The following CHD5 variants were observed in gnomAD, a reference collection of about 807,000 sequenced individuals.
CHD5 encodes the protein ATP-dependent chromatin remodeler CHD5.
In CHD5, 69 loss-of-function variants were observed where a neutral mutation model predicts 230.3. That is an observed-to-expected ratio of 0.30 (90% CI 0.25 to 0.37). The LOEUF is 0.37. Ranked by LOEUF, CHD5 falls within the 10% of genes least tolerant of loss-of-function variation. The pLI is 1.00. For synonymous variants in CHD5, 1,064 were observed against 1,065.9 expected (o/e 1.00, Z 0.03); for missense variants, 1,827 against 2,622.8 (o/e 0.70, Z 6.63).
intron 40 of CHD5, 35 bp from the exon 41 acceptor site, chr1:6,106,322 CGTT>C (rs1557533145): frequency 6.2e-7 from 1 of 1,612,690 alleles, no homozygotes; most frequent in East Asian, 2.2e-5. Flanking sequence ...GCTTGCCTGA[CGTT>C]GGCAGCAGCA....
chr1:6,123,482 AGTGGT>A (rs928800388), intron 31 of CHD5, among the ~76,000 whole-genome samples: 12 of 151,320 alleles, frequency 7.9e-5, no homozygotes, highest in African/African-American at 2.9e-4. Flanking sequence ...GCTGGAGTGC[AGTGGT>A]GTGATCTTGG....
intron 1 of CHD5, among the ~76,000 whole-genome samples, chr1:6,174,394 GATGGATGGTGGATAGGTGGATGGATGA>G (rs1411065433): frequency 5.9e-5 from 9 of 152,246 alleles, no homozygotes; most frequent in African/African-American, 2.2e-4. Flanking sequence ...ATAGTGAATG[GATGGATGGTGGATAGGTGGATGGATGA>G]ATGCATGGTG....
chr1:6,118,994 G>A (rs928688046), intron 33 of CHD5, among the ~76,000 whole-genome samples: 25 of 150,782 alleles, frequency 1.7e-4, no homozygotes, highest in African/African-American at 5.6e-4. Context: ...TACCATGCCC[G>A]ACCTGAATGG....
At position 6,134,462 on chromosome 1, in the gene CHD5, C is replaced by T. The variant is rs181242417; in HGVS notation, c.3013-203G>A. Among the ~76,000 whole-genome samples, 236 of 152,344 alleles carry T rather than the reference C, an allele frequency of 1.5e-3. No individual in the cohort carries two copies. The highest frequency in any genetic ancestry group is 3.4e-3 in the Middle Eastern group (1 of 294). Reference sequence around the variant, plus strand: ...GGTCCCACGGCCCTGGCTCCAGGCCCCCCGTTCCCAGGCAGGGCTCACAGC... The same window carrying T: ...GGTCCCACGGCCCTGGCTCCAGGCCTCCCGTTCCCAGGCAGGGCTCACAGC... On this transcript the variant is annotated intron_variant, in intron 19 of 41. Coordinates refer to ENST00000262450, the MANE Select transcript of CHD5 (RefSeq NM_015557.3). This position sits in a 1 kb window ranked among gnomAD's most constrained non-coding sequence, Gnocchi z 6.3.
intron 1 of CHD5, among the ~76,000 whole-genome samples, chr1:6,173,979 G>A (rs1557565622): frequency 6.6e-6 from 1 of 152,206 alleles, no homozygotes; most frequent in South Asian, 2.1e-4. Context: ...CCTGAGTGGG[G>A]AGTGGAGGGA....
chr1:6,124,662 C>A lies in CHD5; in HGVS notation c.4395-1G>T. ...CCGCATGAAGAGGGACACATAGGCT[C>A]TGGGGTGGGGGGGGGGGACTGGGGC... On this transcript the variant is annotated splice_acceptor_variant, in intron 29 of 41. Transcript: ENST00000262450. LOFTEE classifies it high-confidence loss of function. The A allele has an allele frequency of 9.0e-6, 1 of 111,434 alleles. No homozygotes were observed. Among genetic ancestry groups the A allele is most frequent in the South Asian group, 1.2e-4 (1 of 8,396 alleles). The allele number at this position is 111,434 out of a possible 1,614,324, so 6.9% of individuals were successfully genotyped here. A position where few individuals can be genotyped will look rare whatever the true frequency, so the allele number is the denominator to read the frequency against.
Position 6,179,983 on chromosome 1 carries a change from A to G in CHD5, c.41T>C (p.Leu14Pro), listed in dbSNP as rs987514659. The change falls in exon 1 of 42, where the codon CTG (leucine) becomes CCG (proline). Residue 14 changes from leucine to proline, a missense_variant. Coordinates refer to ENST00000262450, the MANE Select transcript of CHD5 (RefSeq NM_015557.3). ...PVGTEEELPR[L>P]FAEEMENEDE... is the part of the protein sequence containing the mutation. Reference sequence around the variant, plus strand: ...CTCATTCTCCATCTCCTCGGCGAACAGCCGCGGCAGCTCCTCCTCGGTGCC... The same window carrying G: ...CTCATTCTCCATCTCCTCGGCGAACGGCCGCGGCAGCTCCTCCTCGGTGCC... The G allele has an allele frequency of 2.2e-6, 3 of 1,378,422 alleles. No homozygotes were observed. In the Admixed American group the frequency reaches 7.4e-5, roughly 34 times the overall value. 85.4% of individuals were successfully genotyped at this position (1,378,422 alleles called of 1,614,324 possible). A position where few individuals can be genotyped will look rare whatever the true frequency, so the allele number is the denominator to read the frequency against.
rs1186608392 is a variant in CHD5, at chr1:6,154,802, G to T, written c.603C>A (p.Phe201Leu). 1 of 1,613,862 alleles carries T rather than the reference G, an allele frequency of 6.2e-7. No individual in the cohort carries two copies. The highest frequency in any genetic ancestry group is 1.7e-5 in the Admixed American group (1 of 60,020). The change falls in exon 5 of 42, where the codon TTC becomes TTA. Residue 201 changes from phenylalanine (F) to leucine (L), a missense_variant. Physicochemically the swap from Phe to Leu is conservative, Grantham distance 22. Around this residue, in one of 14 missense-constraint regions of CHD5, gnomAD observed 657 missense variants for 816.4 expected, o/e 0.80. Coordinates refer to ENST00000262450, the MANE Select transcript of CHD5 (RefSeq NM_015557.3). The surrounding 1 kb of genome is among the most constrained non-coding windows in gnomAD (Gnocchi z 7.0). Reference sequence around the variant, plus strand: ...CCGCTGCTGCCGCGGAGCTGCCCTTGAAGGGGTTGTTGGCGCTGAACTCCC... The same window carrying T: ...CCGCTGCTGCCGCGGAGCTGCCCTTTAAGGGGTTGTTGGCGCTGAACTCCC... ...KWREFSANNPFKGSSAAAAAA... is the reference protein window; with the variant it reads ...KWREFSANNPLKGSSAAAAAA...
At position 6,146,921 on chromosome 1, in the gene CHD5, C is replaced by T; in HGVS notation, c.1384-50G>A. 1.5e-6 allele frequency: 2 copies of T among 1,367,616 alleles called. No homozygotes were observed. Among genetic ancestry groups the T allele is most frequent in the African/African-American group, 1.5e-5 (1 of 68,262 alleles). 84.7% of individuals were successfully genotyped at this position (1,367,616 alleles called of 1,614,324 possible). A position where few individuals can be genotyped will look rare whatever the true frequency, so the allele number is the denominator to read the frequency against. ...GGTGGGGCTCAGCTGCAGGGCCCCACCCTGAGGCTCCCATGACAGCAGGCT... is the reference window on the plus strand; with the variant it reads ...GGTGGGGCTCAGCTGCAGGGCCCCATCCTGAGGCTCCCATGACAGCAGGCT... On this transcript the variant is annotated intron_variant, in intron 9 of 41. Coordinates refer to ENST00000262450, the MANE Select transcript of CHD5 (RefSeq NM_015557.3). The surrounding 1 kb of genome is among the most constrained non-coding windows in gnomAD (Gnocchi z 5.1).
At chr1:6,113,451 T>C (rs1259828639) in intron 33 of CHD5, 4 of 271,754 alleles carry the variant, frequency 1.5e-5, no homozygotes, top group African/African-American at 9.1e-5. Context: ...AGAAGATGAG[T>C]TCCCAAGAAG....
At chr1:6,174,513 G>GTGGATGGA (rs113035924) in intron 1 of CHD5, among the ~76,000 whole-genome samples, 3 of 148,788 alleles carry the variant, frequency 2.0e-5, no homozygotes, top group African/African-American at 7.6e-5. Context: ...TGGATGGTGG[G>GTGGATGGA]TGGATGGATG....
Position 6,112,226 on chromosome 1 carries a change from T to C in CHD5, c.5054A>G (p.Asp1685Gly). The part of the protein sequence containing the change: ...KEPIETQQNG[D>G]KEEDDEGKKE... ...CTTCCCCTCGTCATCTTCCTCTTTG[T>C]CACCATTTTGCTGTGTTTCAATGGG... The change falls in exon 35 of 42, where the codon GAC (aspartate) becomes GGC (glycine). Residue 1685 changes from aspartate (D) to glycine (G), a missense_variant. By Grantham distance (94) the Asp-to-Gly change is moderately conservative. Around this residue, in one of 14 missense-constraint regions of CHD5, gnomAD observed 272 missense variants for 263.2 expected, o/e 1.03. Transcript: ENST00000262450. 1 of 1,614,166 alleles carries C rather than the reference T, an allele frequency of 6.2e-7. No individual in the cohort carries two copies. Among genetic ancestry groups the C allele is most frequent in the East Asian group, 2.2e-5 (1 of 44,882 alleles).
Position 6,142,052 on chromosome 1 carries a change from G to T in CHD5, c.2436+76C>A, listed in dbSNP as rs1022099734. On this transcript the variant is annotated intron_variant, in intron 15 of 41. Coordinates refer to ENST00000262450, the MANE Select transcript of CHD5 (RefSeq NM_015557.3). The surrounding 1 kb of genome is among the most constrained non-coding windows in gnomAD (Gnocchi z 5.2). ...CCTCCCAGGCTGAGGGACCCCAAAG[G>T]AGTGCACGGCACCCGTGGTCCCTGA... 3 of 1,340,128 alleles carry T rather than the reference G, an allele frequency of 2.2e-6. No individual in the cohort carries two copies. The highest frequency in any genetic ancestry group is 2.1e-6 in the Non-Finnish European group (2 of 938,874). 83.0% of individuals were successfully genotyped at this position (1,340,128 alleles called of 1,614,324 possible). A position where few individuals can be genotyped will look rare whatever the true frequency, so the allele number is the denominator to read the frequency against.
chr1:6,179,908 G>T (rs1234402337), intron 1 of CHD5, 37 bp downstream of exon 1: 48 of 1,176,572 alleles, frequency 4.1e-5, no homozygotes, highest in Non-Finnish European at 5.2e-5. Context: ...CGGCGCCCCC[G>T]CCGCTCTGGC....
In CHD5 at chr1:6,180,074, G is replaced by C; in HGVS notation, c.-51C>G. The C allele has an allele frequency of 9.3e-7, 1 of 1,074,768 alleles. No individual in the cohort carries two copies. Among genetic ancestry groups the C allele is most frequent in the Non-Finnish European group, 1.2e-6 (1 of 844,934 alleles). The allele number at this position is 1,074,768 out of a possible 1,614,324, so 66.6% of individuals were successfully genotyped here. A position where few individuals can be genotyped will look rare whatever the true frequency, so the allele number is the denominator to read the frequency against. ...GGGCGCCCCCCCTCCCGCCGGGCGC[G>C]GTGCCAGCCTTAACCCGTGCGCTGC... On this transcript the variant is annotated 5_prime_UTR_variant, in exon 1 of 42. Transcript: ENST00000262450.
chr1:6,146,492 C>A lies in CHD5; in HGVS notation c.1591-69G>T. On this transcript the variant is annotated intron_variant, in intron 10 of 41. Coordinates refer to ENST00000262450, the MANE Select transcript of CHD5 (RefSeq NM_015557.3). This position sits in a 1 kb window ranked among gnomAD's most constrained non-coding sequence, Gnocchi z 5.1. ...TGGTCCCCTGCATCTCCCTACCCAGCTCCTCTAGCCCCAGCCCAGGTCCCA... is the reference window on the plus strand; with the variant it reads ...TGGTCCCCTGCATCTCCCTACCCAGATCCTCTAGCCCCAGCCCAGGTCCCA... 1 of 1,502,622 alleles carries A rather than the reference C, an allele frequency of 6.7e-7. No homozygotes were observed. The highest frequency in any genetic ancestry group is 1.2e-5 in the South Asian group (1 of 85,154). 93.1% of individuals were successfully genotyped at this position (1,502,622 alleles called of 1,614,324 possible). A position where few individuals can be genotyped will look rare whatever the true frequency, so the allele number is the denominator to read the frequency against.
intron 3 of CHD5, among the ~76,000 whole-genome samples, chr1:6,156,085 C>T (rs1667076675): frequency 6.6e-6 from 1 of 152,222 alleles, no homozygotes; most frequent in Non-Finnish European, 1.5e-5. Context: ...GCTGCCCGAC[C>T]AGCCTCGGGA....
chr1:6,119,333 T>G (rs1391068194), intron 33 of CHD5, among the ~76,000 whole-genome samples: 1 of 151,952 alleles, frequency 6.6e-6, no homozygotes, highest in African/African-American at 2.4e-5. Flanking sequence ...CTCCTGACCT[T>G]GTGATCTGCC....
At chr1:6,162,613 C>T (rs150479097) in intron 2 of CHD5, among the ~76,000 whole-genome samples, 101 of 152,248 alleles carry the variant, frequency 6.6e-4, no homozygotes, top group African/African-American at 2.1e-3. Flanking sequence ...GACACCACCA[C>T]GACCACATGT....
Sources: allele counts gnomAD v4.1 joint callset (sites outside exome capture counted in the v4.1 genomes callset), GRCh38; gene constraint gnomAD v4.1.1; regional missense constraint gnomAD v4.1.1; non-coding constraint Gnocchi (gnomAD v3.1); transcripts MANE v1.5; gene names NCBI Gene and HGNC (gene_info 2026-07-23, HGNC 2026-07-21).